ELMO1: variants seen among roughly 807,000 people sequenced by gnomAD.
The protein encoded by ELMO1 is engulfment and cell motility 1.
ELMO1 carries 26 observed loss-of-function variants against 98.9 expected under a neutral mutation model. That is an observed-to-expected ratio of 0.26 (90% CI 0.19 to 0.36). The LOEUF is 0.36. Among genes scored for constraint, ELMO1 ranks in the 10% least tolerant of loss-of-function variants. The pLI is 1.00. For synonymous variants in ELMO1, 346 were observed against 346.0 expected (o/e 1.00, Z 0.00); for missense variants, 627 against 935.2 (o/e 0.67, Z 4.30).
chr7:36,921,176 A>C (rs1268974360), intron 16 of ELMO1, among the ~76,000 whole-genome samples: 1 of 152,154 alleles, frequency 6.6e-6, no homozygotes, highest in Non-Finnish European at 1.5e-5. Flanking sequence ...GTGAGCAACA[A>C]ATTTTTGTTA....
chr7:36,959,037 C>T (rs563067812), intron 16 of ELMO1, among the ~76,000 whole-genome samples: 8 of 152,246 alleles, frequency 5.3e-5, no homozygotes, highest in African/African-American at 4.8e-5. Flanking sequence ...CCTGAATCTA[C>T]GTTCCCCATC....
At chr7:37,048,650 G>A (rs907993707) in intron 15 of ELMO1, among the ~76,000 whole-genome samples, 12 of 152,124 alleles carry the variant, frequency 7.9e-5, no homozygotes, top group Non-Finnish European at 1.2e-4. Flanking sequence ...ATATTTGAGC[G>A]TTCTCATGGA....
intron 1 of ELMO1, among the ~76,000 whole-genome samples, chr7:37,369,672 T>TAAA (rs74272020): frequency 9.6e-4 from 119 of 124,224 alleles, no homozygotes; most frequent in Middle Eastern, 4.2e-3. Context: ...GCCCAAAATG[T>TAAA]AAAAAAAAAA....
chr7:37,120,519 T>C (rs2541107), intron 14 of ELMO1, among the ~76,000 whole-genome samples: 37,518 of 152,220 alleles, frequency 0.25, 5,818 homozygotes, highest in African/African-American at 0.44. Flanking sequence ...CACAGAGCCT[T>C]GCTTGTTGCT....
chr7:37,403,256 C>G (rs1211815305), intron 1 of ELMO1, among the ~76,000 whole-genome samples: 2 of 152,102 alleles, frequency 1.3e-5, no homozygotes, highest in African/African-American at 4.8e-5. Context: ...ACTATAAAGA[C>G]AGTCAACAGT....
At chr7:36,976,117 C>CTG (rs1267696929) in intron 16 of ELMO1, among the ~76,000 whole-genome samples, 2 of 152,188 alleles carry the variant, frequency 1.3e-5, no homozygotes, top group East Asian at 3.8e-4. Flanking sequence ...GCCACAGACA[C>CTG]TACACAGAAA....
At chr7:37,192,970 G>GATAT (rs374892700) in intron 13 of ELMO1, among the ~76,000 whole-genome samples, 8 of 40,082 alleles carry the variant, frequency 2.0e-4, no homozygotes, top group African/African-American at 4.5e-4. Flanking sequence ...ATATATAGGA[G>GATAT]ATATATATAT....
intron 5 of ELMO1, 174 bp downstream of exon 5, chr7:37,271,658 G>C (rs1426237417): frequency 1.6e-6 from 1 of 643,566 alleles, no homozygotes. Context: ...CTCCTCTGCA[G>C]TGGGAAATCT....
chr7:36,861,393 T>C (rs1338640460), intron 21 of ELMO1, among the ~76,000 whole-genome samples: 1 of 152,162 alleles, frequency 6.6e-6, no homozygotes, highest in African/African-American at 2.4e-5. Context: ...CTTCTTTCTC[T>C]GGATTAACAA....
chr7:37,128,347 T>G lies in ELMO1; in HGVS notation c.1191+4783A>C, dbSNP rs557242126. Among the ~76,000 whole-genome samples the G allele has an allele frequency of 2.6e-5, 4 of 152,326 alleles. No homozygotes were observed. In the South Asian group the frequency reaches 8.3e-4, roughly 32 times the overall value. On this transcript the variant is annotated intron_variant, in intron 14 of 21. Coordinates refer to ENST00000310758, the MANE Select transcript of ELMO1 (RefSeq NM_014800.11). The stretch of plus-strand genomic sequence containing the variant: ...AGAACCCTCCCTCCACTTGTCTCCT[T>G]ATTGAGACAGCCTTGTACCATTCCT...
intron 13 of ELMO1, among the ~76,000 whole-genome samples, chr7:37,162,094 G>A (rs1245973573): frequency 6.7e-6 from 1 of 150,254 alleles, no homozygotes; most frequent in African/African-American, 2.4e-5. Flanking sequence ...GGGGTAAACT[G>A]GAACTAAGTA....
Position 37,223,643 on chromosome 7 carries a change from T to C in ELMO1, c.702-950A>G, listed in dbSNP as rs994296690. 7.2e-5 allele frequency among the ~76,000 whole-genome samples: 11 copies of C among 152,348 alleles called. No individual in the cohort carries two copies. The South Asian group carries it at 2.3e-3, about 32-fold the overall frequency. On this transcript the variant is annotated intron_variant, in intron 9 of 21. Coordinates refer to ENST00000310758, the MANE Select transcript of ELMO1 (RefSeq NM_014800.11). ...TGAGATTCCCACAAAAGACACAGTATATAAATTAATACAGTTCACATTCAA... is the reference window on the plus strand; with the variant it reads ...TGAGATTCCCACAAAAGACACAGTACATAAATTAATACAGTTCACATTCAA...
chr7:37,431,191 G>T (rs1273838012), intron 1 of ELMO1, among the ~76,000 whole-genome samples: 2 of 152,210 alleles, frequency 1.3e-5, no homozygotes, highest in Non-Finnish European at 1.5e-5. Context: ...AAAAAGATTA[G>T]CCCGGCATGG....
chr7:37,052,123 T>C (rs1260431665), intron 15 of ELMO1, among the ~76,000 whole-genome samples: 4 of 152,206 alleles, frequency 2.6e-5, no homozygotes, highest in Non-Finnish European at 1.5e-5. Context: ...TGGGAAGCAA[T>C]GCTCACACCA....
intron 6 of ELMO1, among the ~76,000 whole-genome samples, chr7:37,253,665 T>C (rs922080648): frequency 2.0e-5 from 3 of 150,260 alleles, no homozygotes; most frequent in African/African-American, 7.4e-5. Context: ...CCATGGCATG[T>C]GTATACCTAT....
intron 15 of ELMO1, among the ~76,000 whole-genome samples, chr7:37,071,492 C>T (rs1265257448): frequency 2.0e-5 from 3 of 152,072 alleles, no homozygotes; most frequent in African/African-American, 7.2e-5. Context: ...GACTATAGTT[C>T]AAGAACAGAA....
chr7:37,329,890 T>C (rs1021176587), intron 2 of ELMO1, among the ~76,000 whole-genome samples: 3 of 152,260 alleles, frequency 2.0e-5, no homozygotes, highest in African/African-American at 7.2e-5. Flanking sequence ...TCCCAGTTCA[T>C]GGCATAGTTG....
At chr7:36,925,120 G>A (rs529253635) in intron 16 of ELMO1, among the ~76,000 whole-genome samples, 140 of 152,278 alleles carry the variant, frequency 9.2e-4, no homozygotes, top group Admixed American at 3.1e-3. Flanking sequence ...CCACAGTGCT[G>A]TGGCTGAGAA....
chr7:37,436,956 C>T (rs1805176709), intron 1 of ELMO1, among the ~76,000 whole-genome samples: 3 of 152,154 alleles, frequency 2.0e-5, no homozygotes, highest in Admixed American at 2.0e-4. Context: ...GATCATCTGG[C>T]TCAGATTAAA....
Sources: allele counts gnomAD v4.1 joint callset (sites outside exome capture counted in the v4.1 genomes callset), GRCh38; gene constraint gnomAD v4.1.1; transcripts MANE v1.5; gene names NCBI Gene and HGNC (gene_info 2026-07-23, HGNC 2026-07-21).